MON2: variants seen among roughly 807,000 people sequenced by gnomAD.
MON2 encodes the protein protein MON2 homolog.
MON2 carries 84 observed loss-of-function variants against 208.6 expected under a neutral mutation model. The observed-to-expected ratio is 0.40, with a 90% confidence interval of 0.34 to 0.48. MON2 has a LOEUF of 0.48. Ranked by LOEUF, MON2 falls within the 20% of genes least tolerant of loss-of-function variation. The pLI, the probability that MON2 is intolerant of heterozygous loss-of-function variation, is 0.59. For synonymous variants in MON2, 660 were observed against 694.0 expected (o/e 0.95, Z 0.77); for missense variants, 1,611 against 2,015.4 (o/e 0.80, Z 3.84).
chr12:62,492,267 CTT>C (rs1389126083), intron 2 of MON2, among the ~76,000 whole-genome samples: 1 of 150,992 alleles, frequency 6.6e-6, no homozygotes, highest in East Asian at 1.9e-4. Context: ...TTCTGAATTA[CTT>C]TGTGTCAATT....
chr12:62,510,481 A>T (rs1309103139), intron 8 of MON2, among the ~76,000 whole-genome samples: 1 of 152,222 alleles, frequency 6.6e-6, no homozygotes, highest in Non-Finnish European at 1.5e-5. Context: ...ACGTTTCAAC[A>T]TACAAGAATC....
chr12:62,563,238 T>A (rs978304498), intron 26 of MON2, among the ~76,000 whole-genome samples: 4 of 152,182 alleles, frequency 2.6e-5, no homozygotes, highest in Non-Finnish European at 5.9e-5. Flanking sequence ...AAAGTAAAAA[T>A]AATAAGTCTA....
chr12:62,473,340 GTATGT>G (rs2068890200), intron 1 of MON2, among the ~76,000 whole-genome samples: 2 of 145,578 alleles, frequency 1.4e-5, no homozygotes, highest in Non-Finnish European at 3.0e-5. Context: ...GGTGGAAATG[GTATGT>G]GAGTCCATGT....
chr12:62,583,274 A>G (rs751659699), intron 32 of MON2, among the ~76,000 whole-genome samples: 52 of 151,864 alleles, frequency 3.4e-4, no homozygotes, highest in African/African-American at 9.4e-4. Flanking sequence ...CAAGGCTGCA[A>G]TGAGCTGTGA....
intron 25 of MON2, among the ~76,000 whole-genome samples, chr12:62,558,047 T>C (rs555699838): frequency 1.4e-5 from 2 of 138,166 alleles, no homozygotes; most frequent in South Asian, 5.0e-4. Flanking sequence ...CGATCTTGGC[T>C]CACCCCAACC....
At chr12:62,578,075 GTC>G (rs1404483178) in intron 30 of MON2, among the ~76,000 whole-genome samples, 1 of 152,148 alleles carries the variant, frequency 6.6e-6, no homozygotes, top group East Asian at 1.9e-4. Flanking sequence ...AACTAAGGCT[GTC>G]TTAAATAACC....
intron 8 of MON2, among the ~76,000 whole-genome samples, chr12:62,519,210 G>T (rs938977504): frequency 6.6e-6 from 1 of 152,164 alleles, no homozygotes; most frequent in East Asian, 1.9e-4. Context: ...AGGCACTGGG[G>T]ACGCCCTGGC....
chr12:62,494,257 C>T (rs960549701), intron 3 of MON2, among the ~76,000 whole-genome samples: 1 of 152,102 alleles, frequency 6.6e-6, no homozygotes, highest in Non-Finnish European at 1.5e-5. Context: ...TAAGAAGTCA[C>T]AGTTCAGTAA....
At chr12:62,557,117 G>A (rs1297649827) in intron 25 of MON2, among the ~76,000 whole-genome samples, 4 of 151,760 alleles carry the variant, frequency 2.6e-5, no homozygotes, top group East Asian at 3.9e-4. Context: ...CATCCTAAGA[G>A]CAATGAAAAA....
Position 62,467,283 on chromosome 12 carries a change from C to T in MON2, c.76C>T (p.Leu26=). The T allele has an allele frequency of 6.2e-7, 1 of 1,614,122 alleles. No homozygotes were observed. The highest frequency in any genetic ancestry group is 8.5e-7 in the Non-Finnish European group (1 of 1,180,040). The change falls in exon 1 of 35, where the codon CTG becomes TTG. Residue 26 remains leucine, a synonymous_variant. Coordinates refer to ENST00000393630, the MANE Select transcript of MON2 (RefSeq NM_015026.3). Reference sequence around the variant, plus strand: ...GCAGAGCGACTTGCGCGCCTTGTCACTGGAGTGCAAGAAGAAATTCCCACC... The same window carrying T: ...GCAGAGCGACTTGCGCGCCTTGTCATTGGAGTGCAAGAAGAAATTCCCACC... The part of the protein sequence containing the change: ...NMQSDLRALS[L]ECKKKFPPVK...
chr12:62,586,458 A>G (rs752726971), intron 33 of MON2, among the ~76,000 whole-genome samples: 1 of 152,154 alleles, frequency 6.6e-6, no homozygotes, highest in Non-Finnish European at 1.5e-5. Flanking sequence ...CCTTTCCTCA[A>G]TTTTTAGCAT....
chr12:62,537,982 C>G, intron 16 of MON2, 114 bp from the exon 17 acceptor site: 1 of 889,020 alleles, frequency 1.1e-6, no homozygotes, highest in Non-Finnish European at 1.7e-6. Flanking sequence ...TTTTAAAAAC[C>G]TACTACTGAT....
In MON2 at chr12:62,492,520, C is replaced by T. The variant is rs1228537952; in HGVS notation, c.176-1395C>T. Among the ~76,000 whole-genome samples, 5 of 149,384 alleles carry T rather than the reference C, an allele frequency of 3.3e-5. No individual in the cohort carries two copies. The East Asian group carries it at 8.0e-4, about 24-fold the overall frequency. ...CCGAGTAGCTGGGACTACAGGCGCC[C>T]GCCACCGCGCCCGACTAATTTTTTG... On this transcript the variant is annotated intron_variant, in intron 2 of 34. Coordinates refer to ENST00000393630, the MANE Select transcript of MON2 (RefSeq NM_015026.3).
chr12:62,557,962 ATTTTTTTTTTT>A (rs869193690), intron 25 of MON2, among the ~76,000 whole-genome samples: 4 of 20,862 alleles, frequency 1.9e-4, no homozygotes, highest in Non-Finnish European at 2.7e-4. Context: ...ATATATATAT[ATTTTTTTTTTT>A]TTTTTTTTTT....
At chr12:62,572,941 A>T (rs1046604629) in intron 30 of MON2, among the ~76,000 whole-genome samples, 5 of 152,182 alleles carry the variant, frequency 3.3e-5, no homozygotes, top group Non-Finnish European at 5.9e-5. Context: ...ACTGAAAAAA[A>T]TTTTCTTTAC....
intron 1 of MON2, among the ~76,000 whole-genome samples, chr12:62,474,265 C>G (rs1474165677): frequency 1.3e-5 from 2 of 151,808 alleles, no homozygotes. Context: ...ATTACAGGCG[C>G]CTGCCACCAC....
At chr12:62,490,717 A>T (rs777304623) in intron 2 of MON2, among the ~76,000 whole-genome samples, 1 of 152,126 alleles carries the variant, frequency 6.6e-6, no homozygotes, top group Non-Finnish European at 1.5e-5. Flanking sequence ...TGTTTTGTTG[A>T]TCATTTATTC....
At chr12:62,546,408 A>T (rs1294468283) in intron 21 of MON2, among the ~76,000 whole-genome samples, 1 of 152,122 alleles carries the variant, frequency 6.6e-6, no homozygotes, top group Non-Finnish European at 1.5e-5. Flanking sequence ...AAAAATATAG[A>T]TTTGTCTTTA....
At chr12:62,498,410 C>T (rs1173389151) in intron 4 of MON2, among the ~76,000 whole-genome samples, 1 of 151,966 alleles carries the variant, frequency 6.6e-6, no homozygotes, top group Non-Finnish European at 1.5e-5. Flanking sequence ...CAATTGTGGC[C>T]ATAGTTTCAT....
Sources: gnomAD v4.1 joint callset for allele counts (sites outside exome capture counted in the v4.1 genomes callset) on GRCh38, gnomAD v4.1.1 for gene constraint, MANE v1.5 for transcripts, NCBI Gene and HGNC (gene_info 2026-07-23, HGNC 2026-07-21) for gene names.